The following PDE1C variants were observed in gnomAD, a reference collection of about 807,000 sequenced individuals.
PDE1C encodes the protein phosphodiesterase 1C.
Under a neutral mutation model 93.1 loss-of-function variants are expected in PDE1C, and 62 were observed. The ratio of observed to expected loss-of-function variants is 0.67; its 90% CI spans 0.54 to 0.82. The LOEUF (loss-of-function observed/expected upper bound fraction) is 0.82. Among genes scored for constraint, PDE1C ranks in the 40% least tolerant of loss-of-function variants. The probability of loss-of-function intolerance (pLI) is 0.00; values close to 1 mark genes in which losing one functional copy is unlikely to be tolerated. For synonymous variants in PDE1C, 325 were observed against 310.1 expected, an observed-to-expected ratio of 1.05 and a Z score of -0.50; for missense variants, 742 against 884.6, an observed-to-expected ratio of 0.84 and a Z score of 2.04.
intron 3 of PDE1C, among the ~76,000 whole-genome samples, chr7:32,111,616 T>C (rs945051411): frequency 3.3e-5 from 5 of 152,058 alleles, no homozygotes; most frequent in African/African-American, 1.2e-4. Flanking sequence ...TTGGGGAAAC[T>C]GAGATTCAGA....
At chr7:31,942,875 T>A (rs1340511027) in intron 2 of PDE1C, among the ~76,000 whole-genome samples, 2 of 152,330 alleles carry the variant, frequency 1.3e-5, no homozygotes, top group East Asian at 3.9e-4. Context: ...ATTTTTCTGC[T>A]GATAAGTCAA....
At chr7:31,909,782 T>G (rs1313127859) in intron 2 of PDE1C, among the ~76,000 whole-genome samples, 1 of 152,190 alleles carries the variant, frequency 6.6e-6, no homozygotes, top group Non-Finnish European at 1.5e-5. Context: ...TAAGTACCTT[T>G]CCCAAGGTCA....
At chr7:31,964,088 T>G (rs938282303) in intron 2 of PDE1C, among the ~76,000 whole-genome samples, 4 of 152,194 alleles carry the variant, frequency 2.6e-5, no homozygotes, top group Admixed American at 6.5e-5. Context: ...TTCATCTCAC[T>G]GGGGAGTGCC....
At chr7:32,004,450 G>T (rs1215027044) in intron 2 of PDE1C, among the ~76,000 whole-genome samples, 2 of 152,184 alleles carry the variant, frequency 1.3e-5, no homozygotes, top group Non-Finnish European at 2.9e-5. Flanking sequence ...TCCTCTGGCA[G>T]TAGAATACTC....
the PDE1C span, chr7:31,642,648 G>T: frequency 6.3e-7 from 1 of 1,590,580 alleles, no homozygotes; most frequent in South Asian, 1.1e-5. Context: ...TCCACTTCCT[G>T]ACCTGTTTCC....
rs191150931 is a variant in PDE1C, at chr7:31,804,259, C to T, written c.1891+4772G>A. Among the ~76,000 whole-genome samples, 199 of 151,826 alleles carry T rather than the reference C, an allele frequency of 1.3e-3. 1 individual carries two copies. The highest frequency in any genetic ancestry group is 4.6e-3 in the African/African-American group (192 of 41,460). ...GCATATAGGCTACAGCTTATTATTC[C>T]CCATGACTAAAGCAAGACAAATATG... On this transcript the variant is annotated intron_variant, in intron 16 of 17. Transcript: ENST00000396191.
intron 2 of PDE1C, among the ~76,000 whole-genome samples, chr7:31,951,928 C>T (rs1807430944): frequency 6.6e-6 from 1 of 152,190 alleles, no homozygotes; most frequent in African/African-American, 2.4e-5. Flanking sequence ...TGCCCCACCA[C>T]TGTTATGAAT....
At chr7:31,867,992 T>G (rs1795503776) in intron 6 of PDE1C, among the ~76,000 whole-genome samples, 1 of 152,200 alleles carries the variant, frequency 6.6e-6, no homozygotes, top group Non-Finnish European at 1.5e-5. Flanking sequence ...ACAGCCAGAA[T>G]TAAAGCCAAA....
intron 1 of PDE1C, among the ~76,000 whole-genome samples, chr7:32,233,165 C>T (rs1199529188): frequency 2.0e-5 from 3 of 151,652 alleles, no homozygotes; most frequent in South Asian, 2.1e-4. Flanking sequence ...ACTCTTGAAA[C>T]GGATGGAAAA....
At chr7:31,690,726 G>C in the PDE1C span, among the ~76,000 whole-genome samples, 1 of 152,210 alleles carries the variant, frequency 6.6e-6, no homozygotes, top group Non-Finnish European at 1.5e-5. Context: ...GGGTCGGGGA[G>C]AAGGATAAAG....
At chr7:32,422,330 T>C (rs73309846) in intron 1 of PDE1C, among the ~76,000 whole-genome samples, 4,655 of 152,286 alleles carry the variant, frequency 0.031, 140 homozygotes, top group East Asian at 0.11. Flanking sequence ...TTCATTTGTT[T>C]ATAATTTCAA....
At chr7:31,986,295 T>C (rs893889992) in intron 2 of PDE1C, among the ~76,000 whole-genome samples, 2 of 152,122 alleles carry the variant, frequency 1.3e-5, no homozygotes, top group South Asian at 2.1e-4. Context: ...CTACTTCACA[T>C]GGCTTTCTTC....
intron 2 of PDE1C, among the ~76,000 whole-genome samples, chr7:32,184,121 T>C (rs62456299): frequency 6.6e-6 from 1 of 152,180 alleles, no homozygotes; most frequent in Non-Finnish European, 1.5e-5. Flanking sequence ...CCAGTTAGAA[T>C]GGCGATCATT....
chr7:31,945,288 A>C (rs936604988), intron 2 of PDE1C, among the ~76,000 whole-genome samples: 4 of 144,722 alleles, frequency 2.8e-5, no homozygotes, highest in Non-Finnish European at 6.1e-5. Context: ...AAAAATAAGA[A>C]AAAAAGATTT....
At chr7:32,373,923 G>A (rs927728228) in intron 1 of PDE1C, among the ~76,000 whole-genome samples, 1 of 152,158 alleles carries the variant, frequency 6.6e-6, no homozygotes, top group East Asian at 1.9e-4. Flanking sequence ...GAAGGCAGAG[G>A]TTGCAGTGAG....
intron 3 of PDE1C, among the ~76,000 whole-genome samples, chr7:32,120,337 C>A (rs1186572843): frequency 6.6e-6 from 1 of 152,182 alleles, no homozygotes; most frequent in Non-Finnish European, 1.5e-5. Flanking sequence ...TCTGGGCAGC[C>A]CAGACAAGTG....
intron 1 of PDE1C, among the ~76,000 whole-genome samples, chr7:32,394,882 C>T (rs1784814257): frequency 6.6e-6 from 1 of 152,110 alleles, no homozygotes; most frequent in Admixed American, 6.6e-5. Context: ...CTTCCTCTCT[C>T]ACCTCCTCTC....
At chr7:31,760,056 C>A (rs1355320070) in intron 17 of PDE1C, among the ~76,000 whole-genome samples, 1 of 152,120 alleles carries the variant, frequency 6.6e-6, no homozygotes, top group Admixed American at 6.5e-5. Flanking sequence ...CTACTGGAAA[C>A]CAAAGTGCCC....
At chr7:32,152,362 A>G (rs188975857) in intron 3 of PDE1C, among the ~76,000 whole-genome samples, 1 of 152,232 alleles carries the variant, frequency 6.6e-6, no homozygotes, top group Non-Finnish European at 1.5e-5. Context: ...CAGTGACTAC[A>G]GTCCTCACAT....
Sources: gnomAD v4.1 joint callset for allele counts (sites outside exome capture counted in the v4.1 genomes callset) on GRCh38, gnomAD v4.1.1 for gene constraint, MANE v1.5 for transcripts, NCBI Gene and HGNC (gene_info 2026-07-23, HGNC 2026-07-21) for gene names.